MGMT: variants seen among roughly 807,000 people sequenced by gnomAD.
MGMT encodes the protein O-6-methylguanine-DNA methyltransferase.
MGMT carries 14 observed loss-of-function variants against 15.9 expected under a neutral mutation model. That is an observed-to-expected ratio of 0.88 (90% CI 0.58 to 1.37). The LOEUF (loss-of-function observed/expected upper bound fraction) is 1.37, where lower values mean the gene tolerates loss of function less well. Ranked by LOEUF, MGMT falls within the 40% of genes most tolerant of loss-of-function variation. The pLI is 0.00. For missense variants in MGMT, 282 were observed against 268.1 expected (o/e 1.05, Z -0.36); for synonymous variants, 130 against 118.2 (o/e 1.10, Z -0.65).
intron 2 of MGMT, among the ~76,000 whole-genome samples, chr10:129,559,248 C>T (rs936942737): frequency 3.9e-5 from 6 of 152,082 alleles, no homozygotes; most frequent in Non-Finnish European, 8.8e-5. Flanking sequence ...CACCACACGT[C>T]CAATATTTAT....
At position 129,768,759 on chromosome 10, in the gene MGMT, A is replaced by C. The variant is rs1848967348; in HGVS notation, c.*1762A>C. 6.6e-6 allele frequency: 1 copy of C among 152,324 alleles called. No individual in the cohort carries two copies. The highest frequency in any genetic ancestry group is 1.5e-5 in the Non-Finnish European group (1 of 68,142). 9.4% of individuals were successfully genotyped at this position (152,324 alleles called of 1,614,324 possible). On this transcript the variant is annotated 3_prime_UTR_variant, in exon 5 of 5. Transcript: ENST00000651593. The stretch of plus-strand genomic sequence containing the variant: ...GGTGTGCTGTGGAGACCCCAGCACC[A>C]CTTCCCCTGCTGGAGGATGGATTTG...
In MGMT at chr10:129,556,366, A is replaced by G. The variant is rs746930737; in HGVS notation, c.125+19989A>G. ...CCAGTGTGACCGGTGTCCCCATGAG[A>G]TGGAGGTTGTGGCACAGACACACGG... On this transcript the variant is annotated intron_variant, in intron 2 of 4. Transcript: ENST00000651593. The surrounding 1 kb of genome is among the most constrained non-coding windows in gnomAD (Gnocchi z 4.3). Among the ~76,000 whole-genome samples, 7 of 152,048 alleles carry G rather than the reference A, an allele frequency of 4.6e-5. No individual in the cohort carries two copies. The highest frequency in any genetic ancestry group is 8.8e-5 in the Non-Finnish European group (6 of 68,018).
chr10:129,630,225 G>A (rs1847194858), intron 2 of MGMT, among the ~76,000 whole-genome samples: 1 of 152,348 alleles, frequency 6.6e-6, no homozygotes. Context: ...TGCTGGTGTT[G>A]TCCGTCCAGA....
At chr10:129,717,136 C>T (rs1001085882) in intron 3 of MGMT, among the ~76,000 whole-genome samples, 1 of 152,198 alleles carries the variant, frequency 6.6e-6, no homozygotes, top group Non-Finnish European at 1.5e-5. Flanking sequence ...TTCTGTGCTT[C>T]AGCCCGGCAA....
At chr10:129,526,769 C>G (rs1301675840) in intron 1 of MGMT, among the ~76,000 whole-genome samples, 1 of 152,182 alleles carries the variant, frequency 6.6e-6, no homozygotes, top group Non-Finnish European at 1.5e-5. Flanking sequence ...TTAGACCTGA[C>G]AGTTTTTAGT....
At chr10:129,592,674 C>T (rs923718955) in intron 2 of MGMT, among the ~76,000 whole-genome samples, 5 of 152,130 alleles carry the variant, frequency 3.3e-5, no homozygotes, top group Non-Finnish European at 5.9e-5. Context: ...TCTTCCTGCA[C>T]GTCAGCCAGA....
intron 1 of MGMT, among the ~76,000 whole-genome samples, chr10:129,490,647 C>A (rs996180349): frequency 6.6e-6 from 1 of 151,912 alleles, no homozygotes; most frequent in Admixed American, 6.6e-5. Flanking sequence ...TTAAAAATAT[C>A]CAGTTTGGTA....
At chr10:129,681,174 G>A (rs745872783) in intron 2 of MGMT, among the ~76,000 whole-genome samples, 2 of 152,228 alleles carry the variant, frequency 1.3e-5, no homozygotes, top group African/African-American at 2.4e-5. Context: ...CCGTAGCACC[G>A]GGTGCGCTGT....
At chr10:129,738,448 A>G (rs1848592114) in intron 3 of MGMT, among the ~76,000 whole-genome samples, 1 of 152,172 alleles carries the variant, frequency 6.6e-6, no homozygotes. Flanking sequence ...ACCTGCGCCC[A>G]CTGTCTGGCA....
In MGMT at chr10:129,533,670, G is replaced by C. The variant is rs1191924460; in HGVS notation, c.-12-2571G>C. Reference sequence around the variant, plus strand: ...TCATGGACGCTTGGCCTGGATGGTGGTCACACTGGTAATTCAGTTCCACAA... The same window carrying C: ...TCATGGACGCTTGGCCTGGATGGTGCTCACACTGGTAATTCAGTTCCACAA... On this transcript the variant is annotated intron_variant, in intron 1 of 4. Coordinates refer to ENST00000651593, the MANE Select transcript of MGMT (RefSeq NM_002412.5). The surrounding 1 kb of genome is among the most constrained non-coding windows in gnomAD (Gnocchi z 4.5). Among the ~76,000 whole-genome samples the C allele has an allele frequency of 6.6e-6, 1 of 152,112 alleles. No homozygotes were observed. The highest frequency in any genetic ancestry group is 2.1e-4 in the South Asian group (1 of 4,820).
At position 129,729,415 on chromosome 10, in the gene MGMT, T is replaced by G. The variant is rs570391712; in HGVS notation, c.274+21372T>G. The stretch of plus-strand genomic sequence containing the variant: ...CCTGTCCCACTCCCCTGCCGGCACC[T>G]GCGTGTCCCTGTCCTGCCGAGCTGC... On this transcript the variant is annotated intron_variant, in intron 3 of 4. Coordinates refer to ENST00000651593, the MANE Select transcript of MGMT (RefSeq NM_002412.5). 3.3e-5 allele frequency among the ~76,000 whole-genome samples: 5 copies of G among 152,280 alleles called. No individual in the cohort carries two copies. The South Asian group carries it at 1.0e-3, about 32-fold the overall frequency.
chr10:129,557,125 A>G (rs1846223035), intron 2 of MGMT, among the ~76,000 whole-genome samples: 1 of 152,226 alleles, frequency 6.6e-6, no homozygotes, highest in Admixed American at 6.5e-5. Flanking sequence ...TCCAAATACA[A>G]TAACAAATTA....
chr10:129,491,769 C>T (rs887800067), intron 1 of MGMT, among the ~76,000 whole-genome samples: 1 of 152,058 alleles, frequency 6.6e-6, no homozygotes, highest in Non-Finnish European at 1.5e-5. Flanking sequence ...TTTTTCAGTT[C>T]TAGAATGCCC....
intron 3 of MGMT, among the ~76,000 whole-genome samples, chr10:129,741,412 G>A (rs1235932333): frequency 6.6e-6 from 1 of 152,224 alleles, no homozygotes; most frequent in East Asian, 1.9e-4. Context: ...CACGCGTGTG[G>A]TGCGAGGCGT....
At chr10:129,586,810 A>G (rs1564860626) in intron 2 of MGMT, among the ~76,000 whole-genome samples, 1 of 152,228 alleles carries the variant, frequency 6.6e-6, no homozygotes. Flanking sequence ...ACTGTTTTCC[A>G]GAGTGGCTGC....
chr10:129,680,405 G>A (rs1413769196), intron 2 of MGMT, among the ~76,000 whole-genome samples: 1 of 152,130 alleles, frequency 6.6e-6, no homozygotes, highest in East Asian at 1.9e-4. Flanking sequence ...TTGTTGAGAG[G>A]AGAAACCACC....
In MGMT at chr10:129,533,924, TG is replaced by T. The variant is rs1322812955; in HGVS notation, c.-12-2312del. On this transcript the variant is annotated intron_variant, in intron 1 of 4. Transcript: ENST00000651593. The surrounding 1 kb of genome is among the most constrained non-coding windows in gnomAD (Gnocchi z 4.5). ...GGATGGTGATGATTTGAATGAGACT[TG>T]GGGGAGTTGGGGCAGCGTACTCCAG... Among the ~76,000 whole-genome samples the T allele has an allele frequency of 6.6e-6, 1 of 151,798 alleles. No homozygotes were observed. The highest frequency in any genetic ancestry group is 1.5e-5 in the Non-Finnish European group (1 of 67,958).
At chr10:129,568,050 A>G (rs1009284969) in intron 2 of MGMT, among the ~76,000 whole-genome samples, 4 of 152,352 alleles carry the variant, frequency 2.6e-5, no homozygotes, top group Middle Eastern at 3.4e-3. Context: ...AAAATAAACA[A>G]TTCAGAGAAA....
intron 2 of MGMT, among the ~76,000 whole-genome samples, chr10:129,693,475 C>T (rs1847993033): frequency 6.6e-6 from 1 of 152,186 alleles, no homozygotes; most frequent in Non-Finnish European, 1.5e-5. Flanking sequence ...GGAAGCATAA[C>T]TCTAGCTCTC....
Sources: gnomAD v4.1 joint callset for allele counts (sites outside exome capture counted in the v4.1 genomes callset) on GRCh38, gnomAD v4.1.1 for gene constraint, Gnocchi (gnomAD v3.1) non-coding constraint, MANE v1.5 for transcripts, NCBI Gene and HGNC (gene_info 2026-07-23, HGNC 2026-07-21) for gene names.